Variants in TBC1D22A observed in about 807,000 individuals in gnomAD.
TBC1D22A encodes putative GTPase activator.
Under a neutral mutation model 60.2 loss-of-function variants are expected in TBC1D22A, and 38 were observed. That is an observed-to-expected ratio of 0.63 (90% CI 0.49 to 0.83). The LOEUF (loss-of-function observed/expected upper bound fraction) is 0.83, where lower values mean the gene tolerates loss of function less well. TBC1D22A is among the 40% of genes least tolerant of loss of function. The pLI is 0.00. For synonymous variants in TBC1D22A, 302 were observed against 281.7 expected (o/e 1.07, Z -0.72); for missense variants, 628 against 701.0 (o/e 0.90, Z 1.18).
At chr22:46,860,791 C>A (rs1438115869) in intron 4 of TBC1D22A, among the ~76,000 whole-genome samples, 1 of 152,184 alleles carries the variant, frequency 6.6e-6, no homozygotes, top group Non-Finnish European at 1.5e-5. Context: ...TCTCCTGGAG[C>A]AGTGAGCAGG....
At chr22:46,783,582 G>A (rs2084034358) in intron 1 of TBC1D22A, among the ~76,000 whole-genome samples, 1 of 113,402 alleles carries the variant, frequency 8.8e-6, no homozygotes, top group South Asian at 2.7e-4. Context: ...TCCCATGTGT[G>A]CAGGAGCAGT....
intron 8 of TBC1D22A, among the ~76,000 whole-genome samples, chr22:46,939,399 A>C (rs2071853790): frequency 6.6e-6 from 1 of 152,230 alleles, no homozygotes; most frequent in Admixed American, 6.5e-5. Context: ...TAGTCATTCA[A>C]AAGGATGGGC....
chr22:47,171,984 G>A (rs2068481280), intron 12 of TBC1D22A, among the ~76,000 whole-genome samples: 1 of 146,308 alleles, frequency 6.8e-6, no homozygotes, highest in East Asian at 2.0e-4. Context: ...CAACGCACCT[G>A]CCCAGTGCGC....
At chr22:47,004,146 A>G (rs570764636) in intron 10 of TBC1D22A, among the ~76,000 whole-genome samples, 3 of 149,022 alleles carry the variant, frequency 2.0e-5, no homozygotes, top group South Asian at 2.1e-4. Context: ...CTATATACAC[A>G]TACACACTCC....
At chr22:46,921,531 A>T (rs1218754511) in intron 8 of TBC1D22A, among the ~76,000 whole-genome samples, 1 of 152,184 alleles carries the variant, frequency 6.6e-6, no homozygotes, top group Non-Finnish European at 1.5e-5. Context: ...TGCTATTGTA[A>T]ATAGTGCTAT....
At chr22:46,835,877 A>G (rs368129479) in intron 4 of TBC1D22A, among the ~76,000 whole-genome samples, 1 of 152,366 alleles carries the variant, frequency 6.6e-6, no homozygotes, top group African/African-American at 2.4e-5. Flanking sequence ...TCCTAAGACT[A>G]TCAATGGATT....
Position 46,868,906 on chromosome 22 carries a change from T to G in TBC1D22A, c.638-9747T>G, listed in dbSNP as rs913521371. Among the ~76,000 whole-genome samples, 3 of 150,638 alleles carry G rather than the reference T, an allele frequency of 2.0e-5. No individual in the cohort carries two copies. In the East Asian group the frequency reaches 5.8e-4, roughly 29 times the overall value. On this transcript the variant is annotated intron_variant, in intron 4 of 12. Coordinates refer to ENST00000337137, the MANE Select transcript of TBC1D22A (RefSeq NM_014346.5). Reference sequence around the variant, plus strand: ...ATCCTAGAGTTGTTCATTTGCGGGGTGAGGTGGGGGAGCTCACTGTGTGGG... The same window carrying G: ...ATCCTAGAGTTGTTCATTTGCGGGGGGAGGTGGGGGAGCTCACTGTGTGGG...
chr22:46,765,957 A>G lies in TBC1D22A; in HGVS notation c.62+3109A>G, dbSNP rs1199321498. Among the ~76,000 whole-genome samples, 37 of 128,654 alleles carry G rather than the reference A, an allele frequency of 2.9e-4. 1 individual carries two copies. Among genetic ancestry groups the G allele is most frequent in the African/African-American group, 9.8e-4 (33 of 33,532 alleles). The allele number at this position is 128,654 out of a possible 152,430, so 84.4% of individuals were successfully genotyped here. ...ACTGGCCACCACGCCCAGCTAATTT[A>G]TGTGTGTGTGTGTGTGTGTGTGTGT... On this transcript the variant is annotated intron_variant, in intron 1 of 12. Coordinates refer to ENST00000337137, the MANE Select transcript of TBC1D22A (RefSeq NM_014346.5).
At chr22:47,067,195 G>C (rs1195076904) in intron 11 of TBC1D22A, among the ~76,000 whole-genome samples, 1 of 152,192 alleles carries the variant, frequency 6.6e-6, no homozygotes, top group African/African-American at 2.4e-5. Context: ...GAACCCGGGA[G>C]GTGGAGGTTG....
intron 1 of TBC1D22A, among the ~76,000 whole-genome samples, chr22:46,781,625 G>T (rs1356247213): frequency 1.3e-5 from 2 of 152,190 alleles, no homozygotes; most frequent in Non-Finnish European, 2.9e-5. Flanking sequence ...CTGTTTTTGG[G>T]GAGGGCATGG....
At chr22:46,952,032 CTGAGCCCCACAGCACAGGGCACGTGGA>C (rs2148009833) in intron 8 of TBC1D22A, among the ~76,000 whole-genome samples, 1 of 152,354 alleles carries the variant, frequency 6.6e-6, no homozygotes, top group East Asian at 1.9e-4. Flanking sequence ...ATGTATCCTG[CTGAGCCCCACAGCACAGGGCACGTGGA>C]TGTCCACAGG....
intron 4 of TBC1D22A, 56 bp downstream of exon 4, chr22:46,797,676 T>C (rs982207633): frequency 1.3e-6 from 2 of 1,505,758 alleles, no homozygotes; most frequent in Non-Finnish European, 1.8e-6. Context: ...GTTTCTGAAA[T>C]AGATCACATC....
chr22:46,991,646 C>G (rs1292925232), intron 9 of TBC1D22A, among the ~76,000 whole-genome samples: 1 of 152,222 alleles, frequency 6.6e-6, no homozygotes, highest in African/African-American at 2.4e-5. Flanking sequence ...TCATTTGGCT[C>G]ATTCCATTGT....
At chr22:47,072,434 C>G (rs1329455703) in intron 11 of TBC1D22A, among the ~76,000 whole-genome samples, 2 of 152,252 alleles carry the variant, frequency 1.3e-5, no homozygotes, top group African/African-American at 4.8e-5. Flanking sequence ...AGTGCCTGGG[C>G]CTGCATTTGG....
At chr22:46,902,190 G>A (rs770888257) in intron 7 of TBC1D22A, among the ~76,000 whole-genome samples, 7 of 152,212 alleles carry the variant, frequency 4.6e-5, no homozygotes, top group African/African-American at 1.7e-4. Flanking sequence ...TTTTCCTTCC[G>A]AATTAGCATG....
intron 7 of TBC1D22A, among the ~76,000 whole-genome samples, chr22:46,895,522 C>A (rs548390616): frequency 6.6e-6 from 1 of 152,326 alleles, no homozygotes; most frequent in Admixed American, 6.5e-5. Context: ...CAGGCACCCA[C>A]CACCACGCCC....
intron 2 of TBC1D22A, 194 bp downstream of exon 2, chr22:46,792,770 C>T (rs755654808): frequency 1.6e-5 from 23 of 1,463,720 alleles, no homozygotes; most frequent in East Asian, 1.5e-4. Flanking sequence ...CCGGTGAAGA[C>T]GGCGGATGTG....
intron 12 of TBC1D22A, among the ~76,000 whole-genome samples, chr22:47,147,371 G>A (rs2067321330): frequency 6.6e-6 from 1 of 151,812 alleles, no homozygotes; most frequent in African/African-American, 2.4e-5. Flanking sequence ...AATAACAGAT[G>A]TGTAAGGCTC....
At chr22:46,974,498 G>T (rs2074213168) in intron 9 of TBC1D22A, 99 bp downstream of exon 9, 1 of 978,314 alleles carries the variant, frequency 1.0e-6, no homozygotes, top group African/African-American at 1.6e-5. Context: ...GTGTGGCCAT[G>T]CAGTCCCTCC....
Sources: allele counts gnomAD v4.1 joint callset (sites outside exome capture counted in the v4.1 genomes callset), GRCh38; gene constraint gnomAD v4.1.1; transcripts MANE v1.5; gene names NCBI Gene and HGNC (gene_info 2026-07-23, HGNC 2026-07-21).